Variants in KIAA2012 observed in about 807,000 individuals in gnomAD.
KIAA2012 encodes KIAA2012.
Under a neutral mutation model 150.6 loss-of-function variants are expected in KIAA2012, and 125 were observed. That is an observed-to-expected ratio of 0.83 (90% CI 0.72 to 0.96). The LOEUF is 0.96. Among genes scored for constraint, KIAA2012 ranks in the 40% least tolerant of loss-of-function variants. The pLI is 0.00. For synonymous variants in KIAA2012, 462 were observed against 504.7 expected (o/e 0.92, Z 1.13); for missense variants, 1,219 against 1,354.9 (o/e 0.90, Z 1.57).
In KIAA2012 at chr2:202,073,673, C is replaced by G. The variant is rs974870224; in HGVS notation, c.46C>G (p.Gln16Glu). The change falls in exon 1 of 24, where the codon CAG (glutamine) becomes GAG (glutamate). Residue 16 changes from glutamine (Q) to glutamate (E), a missense_variant. By Grantham distance (29) the Gln-to-Glu change is conservative. Coordinates refer to ENST00000498697, the MANE Select transcript of KIAA2012 (RefSeq NM_001277372.4). ...GAGCCGGGGCCACGGGAAGCTGGGC[C>G]AGGACAAACAGAAGTTAGAAGTCTA... The part of the protein sequence containing the change: ...LLSRGHGKLG[Q>E]DKQKLEVYFE... 5 of 1,550,232 alleles carry G rather than the reference C, an allele frequency of 3.2e-6. No individual in the cohort carries two copies. In the African/African-American group the frequency reaches 4.1e-5, roughly 13 times the overall value.
rs1224159920 is a variant in KIAA2012 at position 202,096,151 on chromosome 2, A to G, written c.686-1284A>G. 2.0e-5 allele frequency among the ~76,000 whole-genome samples: 3 copies of G among 152,220 alleles called. No individual in the cohort carries two copies. The East Asian group carries it at 5.8e-4, about 29-fold the overall frequency. ...TCACTTCCTCCACCCTCAGAAATGC[A>G]TTTGGTTCCAGGTGAATCTGACCAG... On this transcript the variant is annotated intron_variant, in intron 4 of 23. Coordinates refer to ENST00000498697, the MANE Select transcript of KIAA2012 (RefSeq NM_001277372.4).
At chr2:202,174,624 CAG>C (rs898623425) in intron 15 of KIAA2012, among the ~76,000 whole-genome samples, 4 of 152,130 alleles carry the variant, frequency 2.6e-5, no homozygotes, top group South Asian at 2.1e-4. Context: ...CAAACATACA[CAG>C]AAGTGAACAG....
At position 202,117,494 on chromosome 2, in the gene KIAA2012, C is replaced by T. The variant is rs771461787; in HGVS notation, c.1762+4048C>T. On this transcript the variant is annotated intron_variant, in intron 11 of 23. Coordinates refer to ENST00000498697, the MANE Select transcript of KIAA2012 (RefSeq NM_001277372.4). ...GTAGCTGTTACCTTACTGATGATGC[C>T]GAGAGATGTAAGGGAGGACAATTAA... is the stretch of plus-strand genomic sequence containing the variant. Among the ~76,000 whole-genome samples the T allele has an allele frequency of 3.9e-4, 60 of 151,980 alleles. 1 individual carries two copies. Among genetic ancestry groups the T allele is most frequent in the Non-Finnish European group, 7.1e-4 (48 of 68,008 alleles).
intron 21 of KIAA2012, among the ~76,000 whole-genome samples, chr2:202,196,319 C>A (rs1043457838): frequency 6.6e-6 from 1 of 151,348 alleles, no homozygotes; most frequent in African/African-American, 2.4e-5. Flanking sequence ...CTCAGCCTCC[C>A]GAGTAGCTGG....
In KIAA2012 at chr2:202,186,982, G is replaced by A. The variant is rs757602357; in HGVS notation, c.2260G>A (p.Gly754Arg). Residue 754 changes from glycine (G) to arginine (R), a missense_variant, in exon 17 of 24, where the codon GGG becomes AGG. Transcript: ENST00000498697. ...HHLHRGLLGYGPESPERLSAV... is the reference protein window; with the variant it reads ...HHLHRGLLGYRPESPERLSAV... ...CCTACACAGAGGACTTCTGGGATAC[G>A]GGCCTGAGTCACCCGAGAGGTTGAG... 38 of 1,550,492 alleles carry A rather than the reference G, an allele frequency of 2.5e-5. No individual in the cohort carries two copies. Among genetic ancestry groups the A allele is most frequent in the Admixed American group, 3.9e-5 (2 of 50,978 alleles).
In KIAA2012 at chr2:202,174,797, T is replaced by G. The variant is rs530257306; in HGVS notation, c.2119+9441T>G. On this transcript the variant is annotated intron_variant, in intron 15 of 23. Transcript: ENST00000498697. ...ATATCTCTCAAAGATGAGAAATGACTTTTTTTATTATTATTATACTTTAAG... is the reference window on the plus strand; with the variant it reads ...ATATCTCTCAAAGATGAGAAATGACGTTTTTTATTATTATTATACTTTAAG... Among the ~76,000 whole-genome samples the G allele has an allele frequency of 3.9e-5, 6 of 152,338 alleles. No homozygotes were observed. In the East Asian group the frequency reaches 1.2e-3, roughly 29 times the overall value.
intron 22 of KIAA2012, among the ~76,000 whole-genome samples, chr2:202,199,629 T>A (rs147851092): frequency 1.5e-3 from 224 of 152,188 alleles, no homozygotes; most frequent in African/African-American, 5.2e-3. Flanking sequence ...TGAACTGAAA[T>A]TTTAAGACAA....
chr2:202,197,121 C>T (rs1692430992), intron 22 of KIAA2012, 102 bp downstream of exon 22: 35 of 1,504,196 alleles, frequency 2.3e-5, no homozygotes, highest in Non-Finnish European at 3.1e-5. Flanking sequence ...AAGAAAAGTC[C>T]CCCCACCCCC....
At position 202,133,125 on chromosome 2, in the gene KIAA2012, TA is replaced by T. The variant is rs1412274367; in HGVS notation, c.1832-5306del. On this transcript the variant is annotated intron_variant, in intron 12 of 23. Coordinates refer to ENST00000498697, the MANE Select transcript of KIAA2012 (RefSeq NM_001277372.4). ...CTAAAAAAAAATATATATATATATA[TA>T]TATATTTTTTTTTTTTCTGGAGAAT... is the stretch of plus-strand genomic sequence containing the variant. 4.7e-4 allele frequency among the ~76,000 whole-genome samples: 51 copies of T among 109,256 alleles called. 4 individuals carry two copies. Among genetic ancestry groups the T allele is most frequent in the African/African-American group, 1.8e-3 (49 of 27,036 alleles). 71.7% of individuals were successfully genotyped at this position (109,256 alleles called of 152,430 possible).
chr2:202,144,464 G>A (rs777172971), intron 13 of KIAA2012, among the ~76,000 whole-genome samples: 1 of 152,006 alleles, frequency 6.6e-6, no homozygotes, highest in Non-Finnish European at 1.5e-5. Flanking sequence ...TTCACAGATG[G>A]TGTTCATATC....
At chr2:202,186,238 C>T (rs917827124) in intron 16 of KIAA2012, among the ~76,000 whole-genome samples, 1 of 151,684 alleles carries the variant, frequency 6.6e-6, no homozygotes, top group Non-Finnish European at 1.5e-5. Flanking sequence ...TATTGCCAGG[C>T]GTGGTGGCTC....
chr2:202,183,178 T>C (rs1403699372), intron 15 of KIAA2012, among the ~76,000 whole-genome samples: 1 of 152,094 alleles, frequency 6.6e-6, no homozygotes, highest in African/African-American at 2.4e-5. Context: ...CCAGCACTTT[T>C]GGAAGCTGAG....
At chr2:202,148,459 G>A (rs994385076) in intron 13 of KIAA2012, among the ~76,000 whole-genome samples, 2 of 152,080 alleles carry the variant, frequency 1.3e-5, no homozygotes, top group African/African-American at 2.4e-5. Flanking sequence ...TGTCTCCACC[G>A]TGCCTACTTG....
At chr2:202,129,077 G>A (rs1690864951) in intron 12 of KIAA2012, among the ~76,000 whole-genome samples, 1 of 151,886 alleles carries the variant, frequency 6.6e-6, no homozygotes, top group African/African-American at 2.4e-5. Flanking sequence ...TCGCACCATT[G>A]CACTCTAGCC....
At chr2:202,099,997 A>C (rs1690000487) in intron 6 of KIAA2012, among the ~76,000 whole-genome samples, 1 of 152,194 alleles carries the variant, frequency 6.6e-6, no homozygotes, top group African/African-American at 2.4e-5. Flanking sequence ...TTCGGAAATC[A>C]TACTGTCTGG....
chr2:202,186,466 C>T (rs547741077), intron 16 of KIAA2012, among the ~76,000 whole-genome samples: 4 of 151,038 alleles, frequency 2.6e-5, no homozygotes, highest in Admixed American at 1.3e-4. Flanking sequence ...GAGCCCAGAT[C>T]GCACCATTGC....
In KIAA2012 at chr2:202,165,335, G is replaced by T. The variant is rs780295297; in HGVS notation, c.2098G>T (p.Glu700Ter). The change falls in exon 15 of 24, where the codon GAA (glutamate) becomes TAA (stop). Residue 700 changes from glutamate to a stop codon, truncating the protein, a stop_gained. Coordinates refer to ENST00000498697, the MANE Select transcript of KIAA2012 (RefSeq NM_001277372.4). LOFTEE classifies it high-confidence loss of function. ...YQEEAGRPLRETHHNDQDPEP... is the reference protein window; with the variant it reads ...YQEEAGRPLR ...GGAAGAAGCAGGGAGACCCCTCAGA[G>T]AAACTCACCACAACGACCAAGGTAC... 1 of 1,550,350 alleles carries T rather than the reference G, an allele frequency of 6.5e-7. No homozygotes were observed. Among genetic ancestry groups the T allele is most frequent in the Non-Finnish European group, 8.7e-7 (1 of 1,146,840 alleles).
chr2:202,156,964 C>T (rs1691541158), intron 14 of KIAA2012, among the ~76,000 whole-genome samples: 1 of 152,072 alleles, frequency 6.6e-6, no homozygotes, highest in Non-Finnish European at 1.5e-5. Flanking sequence ...ATTTAGTATC[C>T]ACAATGCTTT....
At chr2:202,112,415 AG>A (rs1237503684) in intron 10 of KIAA2012, among the ~76,000 whole-genome samples, 1 of 152,222 alleles carries the variant, frequency 6.6e-6, no homozygotes, top group Non-Finnish European at 1.5e-5. Flanking sequence ...TTTATAAATA[AG>A]CCAGAAAATA....
Sources: allele counts gnomAD v4.1 joint callset (sites outside exome capture counted in the v4.1 genomes callset), GRCh38; gene constraint gnomAD v4.1.1; transcripts MANE v1.5; gene names NCBI Gene and HGNC (gene_info 2026-07-23, HGNC 2026-07-21).